Variants in ATP2B2 observed in about 807,000 individuals in gnomAD.
ATP2B2 encodes ATPase plasma membrane Ca2+ transporting 2.
In ATP2B2, 15 loss-of-function variants were observed where a neutral mutation model predicts 120.0. That is an observed-to-expected ratio of 0.12 (90% CI 0.08 to 0.19). The LOEUF is 0.19. Ranked by LOEUF, ATP2B2 falls within the 10% of genes least tolerant of loss-of-function variation. The pLI, the probability that ATP2B2 is intolerant of heterozygous loss-of-function variation, is 1.00. For missense variants in ATP2B2, 1,045 were observed against 1,719.8 expected, an observed-to-expected ratio of 0.61 and a Z score of 6.94; for synonymous variants, 694 against 700.3, an observed-to-expected ratio of 0.99 and a Z score of 0.14.
intron 3 of ATP2B2, among the ~76,000 whole-genome samples, chr3:10,530,288 C>T (rs955706140): frequency 8.5e-5 from 13 of 152,294 alleles, no homozygotes; most frequent in East Asian, 7.7e-4. Context: ...TCTCTTCCAT[C>T]GAATCCTTCC....
intron 1 of ATP2B2, among the ~76,000 whole-genome samples, chr3:10,630,842 CG>C (rs1392134170): frequency 2.3e-4 from 3 of 13,298 alleles, no homozygotes; most frequent in South Asian, 3.1e-3. Context: ...AAGTTTGTGG[CG>C]GGGGGGTGGG....
At chr3:10,451,401 T>C (rs1231278086) in intron 1 of ATP2B2, among the ~76,000 whole-genome samples, 1 of 152,218 alleles carries the variant, frequency 6.6e-6, no homozygotes, top group African/African-American at 2.4e-5. Context: ...GGTTCACTCA[T>C]CTGCAAATTG....
At chr3:10,401,706 A>T (rs1169067713) in intron 4 of ATP2B2, among the ~76,000 whole-genome samples, 1 of 152,182 alleles carries the variant, frequency 6.6e-6, no homozygotes, top group African/African-American at 2.4e-5. Context: ...TTAACAGTCA[A>T]ATCAGGGATG....
intron 14 of ATP2B2, among the ~76,000 whole-genome samples, chr3:10,355,224 G>A (rs971154820): frequency 4.6e-5 from 7 of 152,178 alleles, no homozygotes; most frequent in African/African-American, 7.2e-5. Context: ...GTCCCTCACT[G>A]TGAATGCTGG....
chr3:10,535,366 G>A (rs1164608221), intron 2 of ATP2B2, among the ~76,000 whole-genome samples: 2 of 151,256 alleles, frequency 1.3e-5, no homozygotes, highest in Non-Finnish European at 2.9e-5. Flanking sequence ...AATCTACAGC[G>A]CTTGCATGCA....
intron 1 of ATP2B2, among the ~76,000 whole-genome samples, chr3:10,464,403 C>T (rs1468087130): frequency 1.3e-5 from 2 of 152,086 alleles, no homozygotes; most frequent in African/African-American, 4.8e-5. Flanking sequence ...TGCTGAGGCT[C>T]CAAGCCCCCC....
intron 2 of ATP2B2, among the ~76,000 whole-genome samples, chr3:10,585,472 C>G (rs138311275): frequency 8.5e-6 from 1 of 117,630 alleles, no homozygotes; most frequent in Non-Finnish European, 1.6e-5. Context: ...CCAGCCTGGG[C>G]GACAGAGCGA....
chr3:10,383,771 G>C (rs73014688), intron 8 of ATP2B2, among the ~76,000 whole-genome samples: 1 of 152,204 alleles, frequency 6.6e-6, no homozygotes, highest in Admixed American at 6.5e-5. Flanking sequence ...TATACAGTAG[G>C]TGGTCAAGAA....
intron 22 of ATP2B2, 113 bp downstream of exon 22, chr3:10,338,063 C>T (rs1157753606): frequency 4.9e-6 from 7 of 1,436,874 alleles, no homozygotes; most frequent in Non-Finnish European, 6.7e-6. Flanking sequence ...CCTCTGTAGC[C>T]ACCCTCCCTC....
Position 10,329,581 on chromosome 3 carries a change from C to CAGTTA in ATP2B2, c.3421-461_3421-457dup, listed in dbSNP as rs1360828776. Among the ~76,000 whole-genome samples, 1 of 152,072 alleles carries CAGTTA rather than the reference C, an allele frequency of 6.6e-6. No individual in the cohort carries two copies. Among genetic ancestry groups the CAGTTA allele is most frequent in the African/African-American group, 2.4e-5 (1 of 41,388 alleles). On this transcript the variant is annotated intron_variant, in intron 22 of 22. Transcript: ENST00000360273. This position sits in a 1 kb window ranked among gnomAD's most constrained non-coding sequence, Gnocchi z 5.9. Reference sequence around the variant, plus strand: ...AAATTCATCTTAGGAAAACCACACACAGTTAAGAAACCATACAACATGGAA... The same window carrying CAGTTA: ...AAATTCATCTTAGGAAAACCACACACAGTTAAGTTAAGAAACCATACAACATGGAA...
intron 5 of ATP2B2, among the ~76,000 whole-genome samples, chr3:10,393,840 C>T (rs1271748068): frequency 1.3e-5 from 2 of 152,234 alleles, no homozygotes; most frequent in Non-Finnish European, 2.9e-5. Context: ...TTCCCAGCTG[C>T]AGGCTCAAAG....
intron 1 of ATP2B2, among the ~76,000 whole-genome samples, chr3:10,475,128 C>A (rs1239375734): frequency 3.3e-5 from 5 of 152,250 alleles, no homozygotes; most frequent in African/African-American, 4.8e-5. Flanking sequence ...CGAGGGGTGG[C>A]CACACTGAAC....
chr3:10,346,580 G>A lies in ATP2B2; in HGVS notation c.2405-443C>T, dbSNP rs1459316156. Among the ~76,000 whole-genome samples the A allele has an allele frequency of 1.3e-5, 2 of 152,236 alleles. No homozygotes were observed. Among genetic ancestry groups the A allele is most frequent in the Admixed American group, 1.3e-4 (2 of 15,288 alleles). The stretch of plus-strand genomic sequence containing the variant: ...TGGGGAGTCCAGGCTTGCTGAGGAG[G>A]CCTTGGCTTTGTCATTTGCCAGTGA... On this transcript the variant is annotated intron_variant, in intron 16 of 22. Transcript: ENST00000360273. The surrounding 1 kb of genome is among the most constrained non-coding windows in gnomAD (Gnocchi z 4.1).
intron 1 of ATP2B2, among the ~76,000 whole-genome samples, chr3:10,687,557 T>C (rs753807960): frequency 3.3e-5 from 5 of 152,042 alleles, no homozygotes; most frequent in Non-Finnish European, 5.9e-5. Flanking sequence ...GATTTAAAGA[T>C]GGAAATAAAA....
Position 10,415,460 on chromosome 3 carries a change from C to T in ATP2B2, c.200-4645G>A, listed in dbSNP as rs558461229. ...AGACAAGCCACTTCTCTTCTCTGGGCCTCAGTTTCCCCACATGTGACATGA... is the reference window on the plus strand; with the variant it reads ...AGACAAGCCACTTCTCTTCTCTGGGTCTCAGTTTCCCCACATGTGACATGA... On this transcript the variant is annotated intron_variant, in intron 2 of 22. Coordinates refer to ENST00000360273, the MANE Select transcript of ATP2B2 (RefSeq NM_001001331.4). Among the ~76,000 whole-genome samples the T allele has an allele frequency of 7.9e-5, 12 of 152,210 alleles. No homozygotes were observed. The East Asian group carries it at 2.3e-3, about 29-fold the overall frequency.
chr3:10,425,182 C>T (rs1353096647), intron 2 of ATP2B2, among the ~76,000 whole-genome samples: 4 of 151,814 alleles, frequency 2.6e-5, no homozygotes, highest in South Asian at 2.1e-4. Flanking sequence ...TGGTTGTGCA[C>T]GCCTATAGTC....
At chr3:10,416,658 G>T (rs1202573381) in intron 2 of ATP2B2, among the ~76,000 whole-genome samples, 1 of 152,152 alleles carries the variant, frequency 6.6e-6, no homozygotes, top group African/African-American at 2.4e-5. Context: ...TGGGGGCAAA[G>T]GGAGCCTGTG....
At chr3:10,589,131 C>A (rs1316385470) in intron 2 of ATP2B2, among the ~76,000 whole-genome samples, 1 of 152,138 alleles carries the variant, frequency 6.6e-6, no homozygotes, top group Non-Finnish European at 1.5e-5. Flanking sequence ...CAGGGTGGGC[C>A]TCCTTTGAGA....
intron 1 of ATP2B2, among the ~76,000 whole-genome samples, chr3:10,663,950 T>C (rs1303090521): frequency 1.3e-5 from 2 of 152,140 alleles, no homozygotes; most frequent in African/African-American, 2.4e-5. Flanking sequence ...TTGGGGTCAC[T>C]GATATTGTTT....
Sources: gnomAD v4.1 joint callset for allele counts (sites outside exome capture counted in the v4.1 genomes callset) on GRCh38, gnomAD v4.1.1 for gene constraint, Gnocchi (gnomAD v3.1) non-coding constraint, MANE v1.5 for transcripts, NCBI Gene and HGNC (gene_info 2026-07-23, HGNC 2026-07-21) for gene names.